CAPS2: variants seen among roughly 807,000 people sequenced by gnomAD.
The protein encoded by CAPS2 is calcyphosine 2.
CAPS2 carries 98 observed loss-of-function variants against 86.5 expected under a neutral mutation model. The ratio of observed to expected loss-of-function variants is 1.13; its 90% CI spans 0.96 to 1.34. The LOEUF (loss-of-function observed/expected upper bound fraction) is 1.34, where lower values mean the gene tolerates loss of function less well. CAPS2 is among the 40% of genes most tolerant of loss of function. CAPS2 has a pLI of 0.00. For missense variants in CAPS2, 729 were observed against 686.8 expected (o/e 1.06, Z -0.69); for synonymous variants, 210 against 225.1 (o/e 0.93, Z 0.60).
chr12:75,381,848 C>T (rs561994449), intron 1 of CAPS2, among the ~76,000 whole-genome samples: 12 of 151,980 alleles, frequency 7.9e-5, no homozygotes, highest in African/African-American at 2.7e-4. Context: ...CTCCTGACCT[C>T]GTGATCTGCC....
At chr12:75,368,600 T>A (rs990986343) in intron 1 of CAPS2, among the ~76,000 whole-genome samples, 3 of 151,806 alleles carry the variant, frequency 2.0e-5, no homozygotes, top group African/African-American at 7.2e-5. Flanking sequence ...TAACTTTTTT[T>A]ATTTACAAAT....
intron 8 of CAPS2, among the ~76,000 whole-genome samples, chr12:75,303,687 C>T (rs1393843484): frequency 6.6e-6 from 1 of 152,140 alleles, no homozygotes; most frequent in East Asian, 1.9e-4. Context: ...ATGTCTACAT[C>T]CTAATCCTTG....
upstream of CAPS2, chr12:75,334,841 T>C (rs1314105341): frequency 2.5e-6 from 4 of 1,614,002 alleles, no homozygotes; most frequent in Non-Finnish European, 3.4e-6. Context: ...GACAACTGCA[T>C]AGAAGCCCAC....
chr12:75,306,837 C>T (rs993664089), intron 7 of CAPS2, among the ~76,000 whole-genome samples: 3 of 152,022 alleles, frequency 2.0e-5, no homozygotes, highest in Non-Finnish European at 4.4e-5. Context: ...CGGAACTGGC[C>T]TCAATGTGGG....
chr12:75,298,615 C>G, intron 11 of CAPS2, 72 bp downstream of exon 11: 1 of 1,141,830 alleles, frequency 8.8e-7, no homozygotes, highest in Non-Finnish European at 1.3e-6. Context: ...AAGCCCTACT[C>G]CTCCACCTCC....
intron 1 of CAPS2, among the ~76,000 whole-genome samples, chr12:75,353,473 T>C (rs1213707874): frequency 6.6e-6 from 1 of 152,120 alleles, no homozygotes; most frequent in African/African-American, 2.4e-5. Context: ...AATAGACCAA[T>C]AACAAGTTCT....
rs112387681 is a variant in CAPS2, at chr12:75,340,161, A to AAT, written c.-394-16941_-394-16940dup. 4.3e-3 allele frequency among the ~76,000 whole-genome samples: 647 copies of AAT among 149,836 alleles called. 6 individuals are homozygous for AAT. The highest frequency in any genetic ancestry group is 0.015 in the African/African-American group (616 of 41,098). Reference sequence around the variant, plus strand: ...CATATATATAAAATATATATGTATAAATATATATATACATACCACATTTTC... The same window carrying AAT: ...CATATATATAAAATATATATGTATAAATATATATATATACATACCACATTTTC... On this transcript the variant is annotated intron_variant, in intron 1 of 5. Coordinates refer to the CAPS2 transcript ENST00000551829.
At chr12:75,291,848 A>T in intron 12 of CAPS2, 28 bp from the exon 13 acceptor site, 4 of 1,129,386 alleles carry the variant, frequency 3.5e-6, no homozygotes, top group Non-Finnish European at 5.2e-6. Context: ...ACAGGGATGA[A>T]ATATATATAT....
At chr12:75,329,770 G>A (rs2041127288), upstream of CAPS2, 4 of 1,396,712 alleles carry the variant, frequency 2.9e-6, no homozygotes, top group Non-Finnish European at 2.9e-6. Flanking sequence ...GCAAAACAGG[G>A]TAATATCTCC....
intron 1 of CAPS2, among the ~76,000 whole-genome samples, chr12:75,374,950 GGC>G (rs1293921460): frequency 6.6e-6 from 1 of 152,172 alleles, no homozygotes; most frequent in Admixed American, 6.5e-5. Context: ...CTTCTGCACA[GGC>G]CAAATGAGAG....
At chr12:75,374,234 C>A (rs957072824) in intron 1 of CAPS2, among the ~76,000 whole-genome samples, 3 of 152,198 alleles carry the variant, frequency 2.0e-5, no homozygotes, top group Non-Finnish European at 4.4e-5. Context: ...GCAGCCTGGA[C>A]CTGTTGCAGA....
exon 6 of CAPS2, chr12:75,316,408 T>C (rs951482447): frequency 2.9e-5 from 45 of 1,550,228 alleles, no homozygotes; most frequent in Non-Finnish European, 3.8e-5. Context: ...TAAGGTCATC[T>C]GTGTTGGCTT....
chr12:75,308,357 A>G (rs1383237501), intron 7 of CAPS2, among the ~76,000 whole-genome samples: 2 of 152,240 alleles, frequency 1.3e-5, no homozygotes, highest in African/African-American at 4.8e-5. Context: ...TTACATGTAC[A>G]CCAAGTAACC....
At chr12:75,316,237 C>T in intron 6 of CAPS2, 75 bp downstream of exon 6, 3 of 1,505,506 alleles carry the variant, frequency 2.0e-6, no homozygotes, top group South Asian at 2.6e-5. Flanking sequence ...TTATTTATTC[C>T]ATTCAGTCTT....
Position 75,285,039 on chromosome 12 carries a change from AT to A in CAPS2, c.1436del (p.Asn479MetfsTer17). ...TGAATTCTCCATAATCAACCTTGCCATTGCCATTGTCATTCAGAATTAGCCA... is the reference window on the plus strand; with the variant it reads ...TGAATTCTCCATAATCAACCTTGCCATGCCATTGTCATTCAGAATTAGCCA... On this transcript the variant is annotated frameshift_variant, in exon 15 of 17. Transcript: ENST00000393284. LOFTEE classifies it high-confidence loss of function. The A allele has an allele frequency of 6.2e-7, 1 of 1,611,832 alleles. No individual in the cohort carries two copies.
At chr12:75,328,372 A>G (rs1477595447), upstream of CAPS2, among the ~76,000 whole-genome samples, 1 of 152,184 alleles carries the variant, frequency 6.6e-6, no homozygotes. Flanking sequence ...TCAAATCAGT[A>G]TAATTTATTT....
intron 8 of CAPS2, among the ~76,000 whole-genome samples, chr12:75,302,505 C>CA (rs2037940765): frequency 6.6e-6 from 1 of 152,072 alleles, no homozygotes; most frequent in Admixed American, 6.5e-5. Context: ...AAGGAATATA[C>CA]AAAGGACATT....
exon 17 of CAPS2, chr12:75,278,361 A>C (rs2033271090): frequency 1.0e-6 from 1 of 984,338 alleles, no homozygotes; most frequent in African/African-American, 1.7e-5. Context: ...ACACTGCTTG[A>C]AAAATTTCTC....
Position 75,282,301 on chromosome 12 carries a change from A to G in CAPS2, c.1562T>C (p.Ile521Thr), listed in dbSNP as rs199705076. Residue 521 changes from isoleucine to threonine, a missense_variant, in exon 16 of 17, where the codon ATA becomes ACA. By Grantham distance (89) the Ile-to-Thr change is moderately conservative. Transcript: ENST00000393284. ...TGCACAGTAACATTTTCTTATGTTTATAATAGGCACACTGCCACTTTTGTT... is the reference window on the plus strand; with the variant it reads ...TGCACAGTAACATTTTCTTATGTTTGTAATAGGCACACTGCCACTTTTGTT... 419 of 1,608,538 alleles carry G rather than the reference A, an allele frequency of 2.6e-4. No individual in the cohort carries two copies. Among genetic ancestry groups the G allele is most frequent in the Non-Finnish European group, 3.0e-4 (348 of 1,175,056 alleles).
Sources: allele counts gnomAD v4.1 joint callset (sites outside exome capture counted in the v4.1 genomes callset), GRCh38; gene constraint gnomAD v4.1.1; transcripts MANE v1.5; gene names NCBI Gene and HGNC (gene_info 2026-07-23, HGNC 2026-07-21).